Variants in FOXN3 observed in about 807,000 individuals in gnomAD.
FOXN3 encodes forkhead box N3.
In FOXN3, 7 loss-of-function variants were observed where a neutral mutation model predicts 38.4. The ratio of observed to expected loss-of-function variants is 0.18; its 90% confidence interval spans 0.10 to 0.34. The LOEUF (loss-of-function observed/expected upper bound fraction) is 0.34. FOXN3 is among the 10% of genes least tolerant of loss of function. The pLI is 1.00. For synonymous variants in FOXN3, 230 were observed against 242.2 expected (o/e 0.95, Z 0.47); for missense variants, 456 against 613.4 (o/e 0.74, Z 2.71).
intron 4 of FOXN3, among the ~76,000 whole-genome samples, chr14:89,214,225 A>G (rs563671480): frequency 6.6e-6 from 1 of 152,346 alleles, no homozygotes; most frequent in African/African-American, 2.4e-5. Flanking sequence ...CTAAACCTCT[A>G]AAATGGATTC....
chr14:89,379,904 AC>A (rs1890589781), intron 2 of FOXN3, among the ~76,000 whole-genome samples: 1 of 151,934 alleles, frequency 6.6e-6, no homozygotes, highest in Non-Finnish European at 1.5e-5. Context: ...CAAGTGATCC[AC>A]CTGCCTCAGC....
chr14:89,305,224 C>T (rs372846130), intron 3 of FOXN3, among the ~76,000 whole-genome samples: 11 of 152,112 alleles, frequency 7.2e-5, no homozygotes, highest in Non-Finnish European at 1.6e-4. Context: ...GGTGAACTCG[C>T]GGCTCCTGCT....
intron 1 of FOXN3, among the ~76,000 whole-genome samples, chr14:89,473,382 CT>C (rs75534470): frequency 0.03 from 4,100 of 137,626 alleles, 120 homozygotes; most frequent in African/African-American, 0.086. Flanking sequence ...CTCCACAACG[CT>C]TTTTTTTTTT....
intron 4 of FOXN3, among the ~76,000 whole-genome samples, chr14:89,201,461 C>T (rs1888232468): frequency 6.6e-6 from 1 of 152,210 alleles, no homozygotes. Flanking sequence ...CTGGAGCCAG[C>T]CTCAGGTGCA....
chr14:89,439,233 C>T lies in FOXN3; in HGVS notation c.-14-26743G>A, dbSNP rs554428963. Among the ~76,000 whole-genome samples the T allele has an allele frequency of 7.2e-5, 11 of 152,196 alleles. No individual in the cohort carries two copies. In the East Asian group the frequency reaches 1.9e-3, roughly 27 times the overall value. On this transcript the variant is annotated intron_variant, in intron 1 of 6. Coordinates refer to the FOXN3 transcript ENST00000345097. ...TTTGAGGTAGGTACTCTCAGAGGCA[C>T]GTAATCCAGAGCAACTCCATCATGA...
intron 1 of FOXN3, among the ~76,000 whole-genome samples, chr14:89,594,865 C>T (rs983475574): frequency 6.6e-6 from 1 of 151,510 alleles, no homozygotes; most frequent in Non-Finnish European, 1.5e-5. Flanking sequence ...AAGTGAGACT[C>T]TGTGTCAAAA....
At chr14:89,448,825 C>T (rs1044789488) in intron 1 of FOXN3, among the ~76,000 whole-genome samples, 1 of 151,704 alleles carries the variant, frequency 6.6e-6, no homozygotes, top group Non-Finnish European at 1.5e-5. Context: ...GCCTGTAGTC[C>T]CAGCTACTCA....
intron 4 of FOXN3, among the ~76,000 whole-genome samples, chr14:89,214,008 T>G (rs1033026399): frequency 2.0e-5 from 3 of 152,206 alleles, no homozygotes; most frequent in African/African-American, 7.2e-5. Flanking sequence ...ACTAAGTCTC[T>G]TGGGGCAATA....
intron 1 of FOXN3, among the ~76,000 whole-genome samples, chr14:89,464,928 C>T (rs1892942563): frequency 6.6e-6 from 1 of 152,154 alleles, no homozygotes; most frequent in Admixed American, 6.5e-5. Flanking sequence ...GAACACCTGA[C>T]CTCGTGATAC....
intron 1 of FOXN3, among the ~76,000 whole-genome samples, chr14:89,462,100 T>A (rs1892860741): frequency 6.6e-6 from 1 of 152,370 alleles, no homozygotes; most frequent in South Asian, 2.1e-4. Context: ...TATTTAACAT[T>A]GATTAGAAAG....
At chr14:89,367,780 G>A (rs1279350459) in intron 2 of FOXN3, among the ~76,000 whole-genome samples, 2 of 152,174 alleles carry the variant, frequency 1.3e-5, no homozygotes, top group Non-Finnish European at 2.9e-5. Flanking sequence ...TGATGCCTGA[G>A]CTATCTGTCC....
intron 1 of FOXN3, among the ~76,000 whole-genome samples, chr14:89,541,503 G>C (rs557930075): frequency 6.6e-6 from 1 of 152,268 alleles, no homozygotes; most frequent in Non-Finnish European, 1.5e-5. Flanking sequence ...CCACAGCAAT[G>C]TCAGGAAGTT....
intron 4 of FOXN3, among the ~76,000 whole-genome samples, chr14:89,253,025 T>C (rs1885508468): frequency 6.6e-6 from 1 of 152,160 alleles, no homozygotes; most frequent in Non-Finnish European, 1.5e-5. Context: ...ACTAAGTGTC[T>C]GGTGTTTTGC....
chr14:89,589,496 G>A (rs1275647852), intron 1 of FOXN3, among the ~76,000 whole-genome samples: 3 of 152,258 alleles, frequency 2.0e-5, no homozygotes, highest in Non-Finnish European at 4.4e-5. Flanking sequence ...CACAGCCCAT[G>A]CCAGGCCTCA....
At chr14:89,366,178 G>A (rs371708278) in intron 2 of FOXN3, among the ~76,000 whole-genome samples, 5 of 152,010 alleles carry the variant, frequency 3.3e-5, no homozygotes, top group Non-Finnish European at 5.9e-5. Flanking sequence ...GCATGAACCC[G>A]GGAGGCGGAG....
At chr14:89,417,736 T>C, upstream of FOXN3, 1 of 455,968 alleles carries the variant, frequency 2.2e-6, no homozygotes, top group South Asian at 1.5e-5. Flanking sequence ...CAGTGCTGCG[T>C]CCTGATAGGA....
At chr14:89,179,360 AGGGGAGTTTGACCTT>A (rs966414411) in intron 5 of FOXN3, among the ~76,000 whole-genome samples, 1 of 152,180 alleles carries the variant, frequency 6.6e-6, no homozygotes, top group African/African-American at 2.4e-5. Context: ...TGCACGCGGC[AGGGGAGTTTGACCTT>A]GCTTCTCCCT....
At chr14:89,394,997 G>C (rs1205511440) in intron 2 of FOXN3, among the ~76,000 whole-genome samples, 1 of 152,230 alleles carries the variant, frequency 6.6e-6, no homozygotes. Context: ...TGCAGAGTTA[G>C]AATTATGAGG....
chr14:89,226,174 A>G (rs903230073), intron 4 of FOXN3, among the ~76,000 whole-genome samples: 1 of 134,446 alleles, frequency 7.4e-6, no homozygotes, highest in East Asian at 2.2e-4. Context: ...CCAAGGAGAC[A>G]TAAAAAAAAA....
Sources: gnomAD v4.1 joint callset for allele counts (sites outside exome capture counted in the v4.1 genomes callset) on GRCh38, gnomAD v4.1.1 for gene constraint, MANE v1.5 for transcripts, NCBI Gene and HGNC (gene_info 2026-07-23, HGNC 2026-07-21) for gene names.